Variants in COL18A1 observed in about 807,000 individuals in gnomAD.
COL18A1 encodes collagen alpha-1(XVIII) chain.
In COL18A1, 133 loss-of-function variants were observed where a neutral mutation model predicts 168.0. The ratio of observed to expected loss-of-function variants is 0.79; its 90% CI spans 0.69 to 0.91. COL18A1 has a LOEUF of 0.91. COL18A1 is among the 40% of genes least tolerant of loss of function. The pLI, the probability that COL18A1 is intolerant of heterozygous loss-of-function variation, is 0.00. For missense variants in COL18A1, 2,126 were observed against 1,925.4 expected (o/e 1.10, Z -1.95); for synonymous variants, 949 against 809.0 (o/e 1.17, Z -2.94).
chr21:45,503,087 G>C (rs2036951322), intron 32 of COL18A1: 1 of 152,164 alleles, frequency 6.6e-6, no homozygotes, highest in African/African-American at 2.4e-5. Context: ...TATATACCCA[G>C]TAATGGGATG....
intron 2 of COL18A1, among the ~76,000 whole-genome samples, chr21:45,436,126 T>C (rs1332999696): frequency 6.6e-6 from 1 of 152,204 alleles, no homozygotes; most frequent in Non-Finnish European, 1.5e-5. Flanking sequence ...AGAGCATGTT[T>C]AAAGGGGGCT....
intron 2 of COL18A1, among the ~76,000 whole-genome samples, chr21:45,435,144 G>A (rs1284193874): frequency 6.6e-6 from 1 of 151,384 alleles, no homozygotes; most frequent in East Asian, 1.9e-4. Context: ...CGCCCTCCTG[G>A]GGACAGATAT....
rs2230693 is a variant in COL18A1, at chr21:45,493,563, G to C, written c.2340G>C (p.Gln780His). The change falls in exon 26 of 42, where the codon CAG becomes CAC. Residue 780 changes from glutamine (Q) to histidine (H), a missense_variant. Gln to His is a conservative substitution (Grantham distance 24, BLOSUM62 0). Coordinates refer to ENST00000651438, the MANE Select transcript of COL18A1 (RefSeq NM_001379500.1). ...ACGGCGGTGCCCTGGGCCCTGCCCAGAAAGGAGCCAAGGTGAGGGCCGGGC... is the reference window on the plus strand; with the variant it reads ...ACGGCGGTGCCCTGGGCCCTGCCCACAAAGGAGCCAAGGTGAGGGCCGGGC... ...SPDGGALGPA[Q>H]KGAKGEPGFR... The C allele has an allele frequency of 0.015, 23,577 of 1,554,914 alleles. 896 individuals are homozygous for C. The highest frequency in any genetic ancestry group is 0.13 in the East Asian group (5,345 of 41,200).
At chr21:45,439,690 C>A (rs1446193621) in intron 2 of COL18A1, among the ~76,000 whole-genome samples, 1 of 152,214 alleles carries the variant, frequency 6.6e-6, no homozygotes, top group Non-Finnish European at 1.5e-5. Flanking sequence ...CGTGTTTTGC[C>A]CGGAGCTGCT....
intron 2 of COL18A1, among the ~76,000 whole-genome samples, chr21:45,416,026 G>C (rs562774853): frequency 6.6e-6 from 1 of 152,276 alleles, no homozygotes; most frequent in Non-Finnish European, 1.5e-5. Flanking sequence ...GACCCCTTCT[G>C]TTATCCGGAC....
chr21:45,411,313 G>A (rs1230539450), intron 2 of COL18A1, among the ~76,000 whole-genome samples: 1 of 152,204 alleles, frequency 6.6e-6, no homozygotes, highest in Non-Finnish European at 1.5e-5. Context: ...TTGGGGGCTG[G>A]CATTAGTGGA....
chr21:45,428,615 C>T lies in COL18A1; in HGVS notation c.106+23142C>T, dbSNP rs545445802. On this transcript the variant is annotated intron_variant, in intron 2 of 41. Transcript: ENST00000651438. ...ACGCCGGAGAGAGGGAGCCCTGGGC[C>T]ATCACGCAGCCACCGCCCGGCCCCA... 2.6e-5 allele frequency among the ~76,000 whole-genome samples: 4 copies of T among 152,310 alleles called. No homozygotes were observed. The East Asian group carries it at 7.7e-4, about 29-fold the overall frequency.
intron 2 of COL18A1, among the ~76,000 whole-genome samples, chr21:45,430,249 T>C (rs557836659): frequency 1.3e-5 from 2 of 152,160 alleles, no homozygotes; most frequent in East Asian, 3.9e-4. Flanking sequence ...GGGTCATGGT[T>C]TGGGGGCCGC....
intron 15 of COL18A1, among the ~76,000 whole-genome samples, chr21:45,484,369 C>T (rs920242341): frequency 1.4e-4 from 19 of 133,792 alleles, no homozygotes; most frequent in African/African-American, 5.4e-4. Context: ...CACACACATA[C>T]ACGCACACAC....
At chr21:45,422,849 A>G (rs1353177285) in intron 2 of COL18A1, among the ~76,000 whole-genome samples, 1 of 151,576 alleles carries the variant, frequency 6.6e-6, no homozygotes, top group Non-Finnish European at 1.5e-5. Flanking sequence ...GTGCAATGGC[A>G]TGATCTCTGG....
At chr21:45,512,047 C>A in intron 41 of COL18A1, 141 bp from the exon 42 acceptor site, 1 of 864,700 alleles carries the variant, frequency 1.2e-6, no homozygotes, top group Non-Finnish European at 1.9e-6. Flanking sequence ...GGCCATGTGG[C>A]CCTCCAGGTT....
intron 1 of COL18A1, 22 bp from the exon 2 acceptor site, chr21:45,405,357 G>T: frequency 1.7e-6 from 2 of 1,210,500 alleles, no homozygotes; most frequent in South Asian, 5.6e-5. Context: ...TGCGGGGTCT[G>T]ACCCGTGCCT....
intron 16 of COL18A1, among the ~76,000 whole-genome samples, chr21:45,487,237 CGAATGAG>C (rs2036146258): frequency 6.6e-6 from 1 of 152,220 alleles, no homozygotes; most frequent in Non-Finnish European, 1.5e-5. Context: ...TGACCAAGAG[CGAATGAG>C]CTGACCCGAG....
intron 29 of COL18A1, chr21:45,495,676 G>A: frequency 2.0e-6 from 1 of 508,574 alleles, no homozygotes; most frequent in Non-Finnish European, 3.7e-6. Flanking sequence ...ATATACACAT[G>A]CATCTATGCA....
intron 2 of COL18A1, chr21:45,408,583 G>T (rs2123495226): frequency 6.6e-6 from 1 of 152,416 alleles, no homozygotes; most frequent in African/African-American, 2.4e-5. Flanking sequence ...GACAGTAGGG[G>T]CTGGGCTGGG....
At position 45,493,567 on chromosome 21, in the gene COL18A1, G is replaced by A. The variant is rs1263721376; in HGVS notation, c.2344G>A (p.Gly782Arg). Residue 782 changes from glycine to arginine, a missense_variant, in exon 26 of 42, where the codon GGA becomes AGA. Gly to Arg is a moderately radical substitution (Grantham distance 125, BLOSUM62 -2). Transcript: ENST00000651438. ...DGGALGPAQKGAKGEPGFRGP... is the reference protein window; with the variant it reads ...DGGALGPAQKRAKGEPGFRGP... ...CGGTGCCCTGGGCCCTGCCCAGAAA[G>A]GAGCCAAGGTGAGGGCCGGGCAGCC... The A allele has an allele frequency of 1.9e-6, 3 of 1,553,602 alleles. No individual in the cohort carries two copies. The highest frequency in any genetic ancestry group is 2.4e-5 in the East Asian group (1 of 41,152).
chr21:45,460,101 C>T (rs1300195677), intron 2 of COL18A1, among the ~76,000 whole-genome samples: 1 of 150,382 alleles, frequency 6.6e-6, no homozygotes, highest in African/African-American at 2.5e-5. Context: ...GTGTGCGTGC[C>T]GCAAGTGTGG....
intron 2 of COL18A1, among the ~76,000 whole-genome samples, chr21:45,453,153 ATG>A (rs1412585878): frequency 1.3e-5 from 2 of 149,036 alleles, no homozygotes; most frequent in African/African-American, 5.1e-5. Context: ...CACATGTGAC[ATG>A]TGTGAGCATG....
chr21:45,437,369 CACTCAG>C (rs1245891285), intron 2 of COL18A1, among the ~76,000 whole-genome samples: 1 of 129,822 alleles, frequency 7.7e-6, no homozygotes, highest in African/African-American at 3.4e-5. Context: ...CACACACACA[CACTCAG>C]ACACACAGGC....
Sources: gnomAD v4.1 joint callset for allele counts (sites outside exome capture counted in the v4.1 genomes callset) on GRCh38, gnomAD v4.1.1 for gene constraint, MANE v1.5 for transcripts, NCBI Gene and HGNC (gene_info 2026-07-23, HGNC 2026-07-21) for gene names.